GALNT13: variants seen among roughly 807,000 people sequenced by gnomAD.
GALNT13 encodes the protein polypeptide N-acetylgalactosaminyltransferase 13.
In GALNT13, 28 loss-of-function variants were observed where a neutral mutation model predicts 64.2. The observed-to-expected ratio is 0.44, with a 90% CI of 0.32 to 0.60. The LOEUF (loss-of-function observed/expected upper bound fraction) is 0.60. Among genes scored for constraint, GALNT13 ranks in the 20% least tolerant of loss-of-function variants. GALNT13 has a pLI of 0.05. For missense variants in GALNT13, 577 were observed against 669.8 expected (o/e 0.86, Z 1.53); for synonymous variants, 214 against 224.6 (o/e 0.95, Z 0.42).
At chr2:153,923,379 A>G (rs1468444117) in intron 2 of GALNT13, among the ~76,000 whole-genome samples, 1 of 152,150 alleles carries the variant, frequency 6.6e-6, no homozygotes, top group Non-Finnish European at 1.5e-5. Flanking sequence ...AATAGAACCA[A>G]TTACATTCGT....
intron 4 of GALNT13, among the ~76,000 whole-genome samples, chr2:154,153,501 G>A (rs1434174702): frequency 1.3e-5 from 2 of 152,216 alleles, no homozygotes; most frequent in East Asian, 3.9e-4. Context: ...GTTTACTGGT[G>A]TCTTTTTGTT....
At chr2:153,116,948 C>T in the GALNT13 span, among the ~76,000 whole-genome samples, 25 of 151,474 alleles carry the variant, frequency 1.7e-4, no homozygotes, top group Admixed American at 1.1e-3. Context: ...TACAGGCGCC[C>T]GCCACCACGC....
At chr2:153,105,343 C>T in the GALNT13 span, among the ~76,000 whole-genome samples, 1 of 152,070 alleles carries the variant, frequency 6.6e-6, no homozygotes, top group African/African-American at 2.4e-5. Context: ...TAAAAACTCT[C>T]TATAAATTAG....
At chr2:153,902,596 T>G (rs1219781075) in intron 2 of GALNT13, among the ~76,000 whole-genome samples, 1 of 151,994 alleles carries the variant, frequency 6.6e-6, no homozygotes, top group East Asian at 1.9e-4. Context: ...TTTTAAGCAT[T>G]TGTAGAGGGA....
the GALNT13 span, among the ~76,000 whole-genome samples, chr2:153,289,462 G>GTTTGTAACTTATCCCAAAGTAGTTGA: frequency 6.6e-6 from 1 of 152,210 alleles, no homozygotes; most frequent in Non-Finnish European, 1.5e-5. Flanking sequence ...CTGAGACTCA[G>GTTTGTAACTTATCCCAAAGTAGTTGA]ATGGTTTTTG....
the GALNT13 span, among the ~76,000 whole-genome samples, chr2:153,511,501 C>G: frequency 6.6e-6 from 1 of 152,030 alleles, no homozygotes; most frequent in East Asian, 1.9e-4. Context: ...GAAAGCCAGG[C>G]AGGGGAATGC....
At chr2:154,353,776 G>A (rs987031492) in intron 9 of GALNT13, among the ~76,000 whole-genome samples, 1 of 152,084 alleles carries the variant, frequency 6.6e-6, no homozygotes, top group African/African-American at 2.4e-5. Context: ...ATATTCCATT[G>A]TGTAGGATGG....
rs551824420 is a variant in GALNT13, at chr2:154,451,050, C to G, written c.*499C>G. The G allele has an allele frequency of 6.6e-6, 1 of 152,382 alleles. No homozygotes were observed. The highest frequency in any genetic ancestry group is 2.1e-4 in the South Asian group (1 of 4,838). The allele number at this position is 152,382 out of a possible 1,614,324, so 9.4% of individuals were successfully genotyped here. A position where few individuals can be genotyped will look rare whatever the true frequency, so the allele number is the denominator to read the frequency against. On this transcript the variant is annotated 3_prime_UTR_variant, in exon 13 of 13. Transcript: ENST00000392825. ...ACTTCTGAATGGTGAATTCATCTTA[C>G]AAAATGTTCCAAGTTTTGGACAAGG...
the GALNT13 span, chr2:153,478,590 G>C: frequency 1.4e-4 from 216 of 1,524,180 alleles, no homozygotes; most frequent in Non-Finnish European, 7.9e-6. Flanking sequence ...GGCGCCGCGA[G>C]CGGCGCGGGT....
the GALNT13 span, among the ~76,000 whole-genome samples, chr2:153,504,134 A>AT: frequency 1.3e-5 from 2 of 151,828 alleles, no homozygotes; most frequent in Non-Finnish European, 2.9e-5. Context: ...TAAGTATTTT[A>AT]TTTTTTGCTA....
intron 8 of GALNT13, among the ~76,000 whole-genome samples, chr2:154,276,224 T>C (rs1691645838): frequency 1.3e-5 from 2 of 152,160 alleles, no homozygotes; most frequent in African/African-American, 2.4e-5. Context: ...TTCTCTTTTG[T>C]TTTCTCTTTT....
the GALNT13 span, among the ~76,000 whole-genome samples, chr2:153,315,285 T>C: frequency 6.6e-6 from 1 of 152,206 alleles, no homozygotes; most frequent in Non-Finnish European, 1.5e-5. Flanking sequence ...CTGGTAGATT[T>C]GGTGCCTGGC....
At chr2:154,400,201 G>T (rs1699237765) in intron 10 of GALNT13, among the ~76,000 whole-genome samples, 1 of 151,980 alleles carries the variant, frequency 6.6e-6, no homozygotes, top group Non-Finnish European at 1.5e-5. Flanking sequence ...AACCTTTATT[G>T]GAAAAATGTA....
the GALNT13 span, among the ~76,000 whole-genome samples, chr2:153,769,921 T>C: frequency 6.6e-6 from 1 of 152,240 alleles, no homozygotes; most frequent in African/African-American, 2.4e-5. Flanking sequence ...CTAGGAGTTC[T>C]GTTTAGTCTT....
the GALNT13 span, among the ~76,000 whole-genome samples, chr2:153,843,550 A>G: frequency 1.3e-5 from 2 of 152,190 alleles, no homozygotes; most frequent in African/African-American, 4.8e-5. Flanking sequence ...CCTCCCCGCA[A>G]ATATCATGTC....
At chr2:153,574,890 G>A in the GALNT13 span, among the ~76,000 whole-genome samples, 1 of 151,926 alleles carries the variant, frequency 6.6e-6, no homozygotes, top group African/African-American at 2.4e-5. Flanking sequence ...ATTTTAGTTG[G>A]TGAGTTTATG....
the GALNT13 span, among the ~76,000 whole-genome samples, chr2:153,809,593 C>T: frequency 6.6e-5 from 10 of 152,146 alleles, no homozygotes; most frequent in Non-Finnish European, 1.5e-4. Flanking sequence ...CACCCCTAAA[C>T]CAATCATAAT....
the GALNT13 span, among the ~76,000 whole-genome samples, chr2:153,862,976 C>G: frequency 6.6e-6 from 1 of 151,952 alleles, no homozygotes; most frequent in Non-Finnish European, 1.5e-5. Flanking sequence ...ATTCTTTTTT[C>G]ATTTAATGTT....
In GALNT13 at chr2:153,908,927, A is replaced by G. The variant is rs942618509; in HGVS notation, c.-105+7920A>G. 2.5e-4 allele frequency among the ~76,000 whole-genome samples: 38 copies of G among 152,118 alleles called. 1 individual carries two copies. The highest frequency in any genetic ancestry group is 1.2e-4 in the Non-Finnish European group (8 of 68,014). ...TAAAATATATTTTTCTAGTTCTGCC[A>G]ATAATGTTATTTATAGTTTGATAGG... On this transcript the variant is annotated intron_variant, in intron 2 of 12. Coordinates refer to ENST00000392825, the MANE Select transcript of GALNT13 (RefSeq NM_052917.4).
Sources: gnomAD v4.1 joint callset for allele counts (sites outside exome capture counted in the v4.1 genomes callset) on GRCh38, gnomAD v4.1.1 for gene constraint, MANE v1.5 for transcripts, NCBI Gene and HGNC (gene_info 2026-07-23, HGNC 2026-07-21) for gene names.